Variants in DOCK3 observed in about 807,000 individuals in gnomAD.
The protein encoded by DOCK3 is dedicator of cytokinesis protein 3.
Under a neutral mutation model 265.6 loss-of-function variants are expected in DOCK3, and 60 were observed. The ratio of observed to expected loss-of-function variants is 0.23; its 90% confidence interval spans 0.18 to 0.28. The LOEUF is 0.28. Ranked by LOEUF, DOCK3 falls within the 10% of genes least tolerant of loss-of-function variation. The pLI, the probability that DOCK3 is intolerant of heterozygous loss-of-function variation, is 1.00. For missense variants in DOCK3, 1,981 were observed against 2,594.3 expected (o/e 0.76, Z 5.14); for synonymous variants, 881 against 938.0 (o/e 0.94, Z 1.11).
chr3:50,891,028 A>C (rs1026524632), intron 4 of DOCK3, among the ~76,000 whole-genome samples: 1 of 152,088 alleles, frequency 6.6e-6, no homozygotes, highest in African/African-American at 2.4e-5. Context: ...TGAGGAGGGA[A>C]TATCAAATAG....
intron 9 of DOCK3, among the ~76,000 whole-genome samples, chr3:51,121,264 T>G (rs2084003806): frequency 6.6e-6 from 1 of 152,180 alleles, no homozygotes; most frequent in African/African-American, 2.4e-5. Context: ...CAACCCCTTG[T>G]GCTTTCGGGG....
At chr3:50,917,933 C>T (rs897844780) in intron 4 of DOCK3, among the ~76,000 whole-genome samples, 8 of 152,122 alleles carry the variant, frequency 5.3e-5, no homozygotes, top group East Asian at 1.9e-4. Context: ...TGACAGGCCC[C>T]GGTGTGTGAT....
At chr3:50,754,558 C>CA (rs2040037649) in intron 1 of DOCK3, among the ~76,000 whole-genome samples, 2 of 136,680 alleles carry the variant, frequency 1.5e-5, no homozygotes, top group Admixed American at 7.4e-5. Flanking sequence ...GTTTTAACAA[C>CA]TTTTTTTTTT....
intron 9 of DOCK3, among the ~76,000 whole-genome samples, chr3:51,134,431 A>G (rs1209538856): frequency 2.6e-5 from 4 of 152,192 alleles, no homozygotes; most frequent in Non-Finnish European, 4.4e-5. Context: ...TTTATCTTAG[A>G]CAAAATGGAA....
At chr3:51,058,594 T>TATGC (rs1480234411) in intron 5 of DOCK3, among the ~76,000 whole-genome samples, 3 of 152,226 alleles carry the variant, frequency 2.0e-5, no homozygotes, top group Non-Finnish European at 4.4e-5. Context: ...ATAATACGTA[T>TATGC]ATGCCATCTT....
intron 13 of DOCK3, 135 bp downstream of exon 13, chr3:51,208,997 T>G (rs778535442): frequency 8.2e-6 from 6 of 731,680 alleles, no homozygotes; most frequent in Non-Finnish European, 1.1e-5. Context: ...CATTTCCTAC[T>G]CATTCTTTTT....
chr3:50,960,114 G>A (rs1159655408), intron 5 of DOCK3, among the ~76,000 whole-genome samples: 1 of 152,064 alleles, frequency 6.6e-6, no homozygotes, highest in Non-Finnish European at 1.5e-5. Context: ...TCATTCATTG[G>A]ATTGTTTCCA....
chr3:50,850,403 T>G (rs2046303737), intron 3 of DOCK3, among the ~76,000 whole-genome samples: 1 of 152,130 alleles, frequency 6.6e-6, no homozygotes, highest in Non-Finnish European at 1.5e-5. Flanking sequence ...TTAAGCTCAT[T>G]TTGGATCTTG....
intron 12 of DOCK3, among the ~76,000 whole-genome samples, chr3:51,165,261 T>C (rs2086337792): frequency 6.6e-6 from 1 of 152,196 alleles, no homozygotes; most frequent in Admixed American, 6.5e-5. Flanking sequence ...CATTCTGAAA[T>C]GGGTGAAGGC....
intron 1 of DOCK3, among the ~76,000 whole-genome samples, chr3:50,723,447 G>A (rs1228427158): frequency 1.3e-5 from 2 of 152,088 alleles, no homozygotes; most frequent in African/African-American, 4.8e-5. Flanking sequence ...GAGGCGGGGG[G>A]ATCACTTGAG....
intron 5 of DOCK3, among the ~76,000 whole-genome samples, chr3:50,994,834 A>G (rs188844129): frequency 9.8e-5 from 15 of 152,358 alleles, no homozygotes; most frequent in Admixed American, 9.8e-4. Context: ...TAAAGAGCAC[A>G]TAGCACAGTG....
intron 12 of DOCK3, among the ~76,000 whole-genome samples, chr3:51,164,253 G>A (rs962163496): frequency 1.3e-5 from 2 of 152,032 alleles, no homozygotes; most frequent in East Asian, 1.9e-4. Context: ...ACCTTCATAA[G>A]CATCTAAAAA....
intron 1 of DOCK3, among the ~76,000 whole-genome samples, chr3:50,756,585 A>C (rs1354474246): frequency 6.6e-6 from 1 of 152,118 alleles, no homozygotes; most frequent in African/African-American, 2.4e-5. Context: ...TATACCTAGG[A>C]GTGGAAATGC....
chr3:50,923,204 T>C (rs1175987164), intron 4 of DOCK3, among the ~76,000 whole-genome samples: 2 of 152,202 alleles, frequency 1.3e-5, no homozygotes, highest in African/African-American at 4.8e-5. Flanking sequence ...ATTTTTGCAA[T>C]TGCAAATTGT....
intron 9 of DOCK3, among the ~76,000 whole-genome samples, chr3:51,135,650 C>A (rs911483835): frequency 6.6e-6 from 1 of 152,130 alleles, no homozygotes; most frequent in Non-Finnish European, 1.5e-5. Context: ...ATTCTTCACA[C>A]GTAAATAATC....
chr3:50,803,804 T>C (rs1014198547), intron 2 of DOCK3, among the ~76,000 whole-genome samples: 6 of 148,500 alleles, frequency 4.0e-5, no homozygotes, highest in Non-Finnish European at 1.5e-5. Context: ...GCCCCCCACC[T>C]CCCTCCTGGA....
intron 1 of DOCK3, among the ~76,000 whole-genome samples, chr3:50,739,441 A>G (rs1372376485): frequency 1.2e-4 from 19 of 152,060 alleles, no homozygotes; most frequent in Admixed American, 1.2e-3. Flanking sequence ...TTCTGCTTTC[A>G]AAAATTGAAC....
chr3:51,325,046 A>C (rs1432351237), intron 32 of DOCK3, among the ~76,000 whole-genome samples: 1 of 152,246 alleles, frequency 6.6e-6, no homozygotes, highest in Admixed American at 6.5e-5. Flanking sequence ...AGCAATAGCA[A>C]CAAAAGCCAG....
At chr3:51,269,304 C>CT (rs2080374075) in intron 23 of DOCK3, among the ~76,000 whole-genome samples, 1 of 151,472 alleles carries the variant, frequency 6.6e-6, no homozygotes, top group Admixed American at 6.6e-5. Context: ...GTCCTGGTGT[C>CT]TAAGTACAGG....
Sources: gnomAD v4.1 joint callset for allele counts (sites outside exome capture counted in the v4.1 genomes callset) on GRCh38, gnomAD v4.1.1 for gene constraint, MANE v1.5 for transcripts, NCBI Gene and HGNC (gene_info 2026-07-23, HGNC 2026-07-21) for gene names.